PEPD: variants seen among roughly 807,000 people sequenced by gnomAD.
PEPD encodes xaa-Pro dipeptidase.
PEPD carries 53 observed loss-of-function variants against 60.7 expected under a neutral mutation model. The observed-to-expected ratio is 0.87, with a 90% confidence interval of 0.70 to 1.10. The LOEUF is 1.10. Among genes scored for constraint, PEPD ranks in the 50% least tolerant of loss-of-function variants. PEPD has a pLI of 0.00. For missense variants in PEPD, 711 were observed against 711.9 expected, an observed-to-expected ratio of 1.00 and a Z score of 0.01; for synonymous variants, 267 against 284.1, an observed-to-expected ratio of 0.94 and a Z score of 0.60.
chr19:33,488,882 A>G (rs1002020921), intron 6 of PEPD, among the ~76,000 whole-genome samples: 10 of 151,994 alleles, frequency 6.6e-5, no homozygotes, highest in Admixed American at 5.9e-4. Context: ...GCTGTAGGGG[A>G]TGCATGATAG....
At chr19:33,399,172 A>G (rs1474733295) in intron 12 of PEPD, among the ~76,000 whole-genome samples, 1 of 152,176 alleles carries the variant, frequency 6.6e-6, no homozygotes, top group East Asian at 1.9e-4. Context: ...TAATTTTAGT[A>G]GAGACAGGGT....
At position 33,391,482 on chromosome 19, in the gene PEPD, GT is replaced by G; in HGVS notation, c.968-4del. ...GTGCATGTCAGGCCACCAGACACCT[GT>G]GGGCCAGAGGGAGCTGCCGTGAGCC... is the stretch of plus-strand genomic sequence containing the variant. On this transcript the variant is annotated splice_region_variant and splice_polypyrimidine_tract_variant and intron_variant, in intron 12 of 14. Coordinates refer to ENST00000244137, the MANE Select transcript of PEPD (RefSeq NM_000285.4). The G allele has an allele frequency of 6.5e-7, 1 of 1,549,202 alleles. No homozygotes were observed. The highest frequency in any genetic ancestry group is 1.4e-5 in the African/African-American group (1 of 73,168).
At chr19:33,513,518 T>A (rs1258922337) in intron 1 of PEPD, among the ~76,000 whole-genome samples, 2 of 151,960 alleles carry the variant, frequency 1.3e-5, no homozygotes, top group African/African-American at 4.8e-5. Flanking sequence ...TCATTGCACA[T>A]CCCCATCCCC....
At chr19:33,474,509 G>A (rs1328798799) in intron 7 of PEPD, among the ~76,000 whole-genome samples, 1 of 152,172 alleles carries the variant, frequency 6.6e-6, no homozygotes, top group African/African-American at 2.4e-5. Context: ...CTAACATGAT[G>A]AAACCCCATC....
At chr19:33,488,347 C>T (rs34285312) in intron 6 of PEPD, among the ~76,000 whole-genome samples, 19,374 of 152,150 alleles carry the variant, frequency 0.13, 1,625 homozygotes, top group Non-Finnish European at 0.19. Flanking sequence ...CACCAGGTTA[C>T]ACGTGGAGGA....
chr19:33,497,406 C>G (rs1278537825), intron 4 of PEPD, among the ~76,000 whole-genome samples: 1 of 152,266 alleles, frequency 6.6e-6, no homozygotes, highest in African/African-American at 2.4e-5. Flanking sequence ...AGGGCCTTCA[C>G]GGCAGAGCCT....
chr19:33,428,508 C>T (rs1036106122), intron 9 of PEPD, among the ~76,000 whole-genome samples: 91 of 152,248 alleles, frequency 6.0e-4, no homozygotes, highest in African/African-American at 2.1e-3. Flanking sequence ...GCAGCTGCTG[C>T]CCTTCAGGAG....
intron 9 of PEPD, among the ~76,000 whole-genome samples, chr19:33,420,799 T>C (rs57457691): frequency 0.62 from 93,627 of 151,904 alleles, 29,247 homozygotes; most frequent in African/African-American, 0.69. Context: ...AGAAAAGAAC[T>C]CAAATCCTAC....
chr19:33,431,106 T>C (rs1969262487), intron 9 of PEPD, among the ~76,000 whole-genome samples: 1 of 140,332 alleles, frequency 7.1e-6, no homozygotes, highest in Non-Finnish European at 1.5e-5. Flanking sequence ...CAAGATCCTA[T>C]GAAGGAAGGG....
intron 7 of PEPD, among the ~76,000 whole-genome samples, chr19:33,464,787 A>G (rs1250151581): frequency 6.6e-6 from 1 of 152,094 alleles, no homozygotes; most frequent in East Asian, 1.9e-4. Flanking sequence ...AACTTGTGTT[A>G]ATTTGCCCAA....
At chr19:33,389,711 A>G (rs1362134765) in intron 13 of PEPD, among the ~76,000 whole-genome samples, 1 of 152,180 alleles carries the variant, frequency 6.6e-6, no homozygotes, top group Non-Finnish European at 1.5e-5. Context: ...TCCCCAGAGA[A>G]ACGAACTTTC....
intron 1 of PEPD, among the ~76,000 whole-genome samples, chr19:33,515,117 G>A (rs1031023377): frequency 2.0e-5 from 3 of 152,202 alleles, no homozygotes; most frequent in Non-Finnish European, 4.4e-5. Context: ...GGTCACTGCC[G>A]TGCCCTCGCC....
At chr19:33,408,095 T>C (rs1159567275) in intron 11 of PEPD, among the ~76,000 whole-genome samples, 1 of 152,172 alleles carries the variant, frequency 6.6e-6, no homozygotes, top group Non-Finnish European at 1.5e-5. Flanking sequence ...GGGAAGCTGC[T>C]GGAAGGGTAA....
At chr19:33,404,957 C>T (rs183127085) in intron 11 of PEPD, among the ~76,000 whole-genome samples, 3 of 152,352 alleles carry the variant, frequency 2.0e-5, no homozygotes, top group Admixed American at 2.0e-4. Flanking sequence ...CCTCTGAATG[C>T]AAACCGACAA....
At chr19:33,414,089 ATCTACGGCCTGCGC>A (rs569110862) in intron 9 of PEPD, among the ~76,000 whole-genome samples, 5 of 152,308 alleles carry the variant, frequency 3.3e-5, no homozygotes, top group Admixed American at 3.3e-4. Context: ...GAGGGGCTGG[ATCTACGGCCTGCGC>A]TCACCCGGGG....
chr19:33,506,209 C>T (rs4805898), intron 3 of PEPD, among the ~76,000 whole-genome samples: 50,550 of 142,522 alleles, frequency 0.35, 8,871 homozygotes, highest in South Asian at 0.55. Flanking sequence ...ATCACAAACA[C>T]CCTACACACT....
intron 9 of PEPD, among the ~76,000 whole-genome samples, chr19:33,436,515 C>G (rs763491894): frequency 6.6e-6 from 1 of 152,198 alleles, no homozygotes; most frequent in Non-Finnish European, 1.5e-5. Flanking sequence ...CCTGGCAGGC[C>G]GCACTCGAGA....
At chr19:33,416,911 G>A (rs1291403290) in intron 9 of PEPD, among the ~76,000 whole-genome samples, 1 of 152,188 alleles carries the variant, frequency 6.6e-6, no homozygotes, top group African/African-American at 2.4e-5. Context: ...TGACAAATGG[G>A]GCAGGAGCAG....
At chr19:33,402,021 C>T in intron 11 of PEPD, 152 bp from the exon 12 acceptor site, 1 of 749,958 alleles carries the variant, frequency 1.3e-6, no homozygotes, top group Non-Finnish European at 2.3e-6. Context: ...GGAACTGCCA[C>T]CTGGTGTCTC....
Sources: gnomAD v4.1 joint callset for allele counts (sites outside exome capture counted in the v4.1 genomes callset) on GRCh38, gnomAD v4.1.1 for gene constraint, MANE v1.5 for transcripts, NCBI Gene and HGNC (gene_info 2026-07-23, HGNC 2026-07-21) for gene names.